SAMD12: variants seen among roughly 807,000 people sequenced by gnomAD.
SAMD12 encodes sterile alpha motif domain-containing protein 12.
A neutral mutation model predicts 15.0 loss-of-function variants in SAMD12; 9 were observed. That is an observed-to-expected ratio of 0.60 (90% confidence interval 0.36 to 1.05). The LOEUF (loss-of-function observed/expected upper bound fraction) is 1.05, where lower values mean the gene tolerates loss of function less well. SAMD12 is among the 50% of genes least tolerant of loss of function. SAMD12 has a pLI of 0.01. For synonymous variants in SAMD12, 86 were observed against 90.1 expected (o/e 0.96, Z 0.25); for missense variants, 230 against 234.2 (o/e 0.98, Z 0.12).
intron 3 of SAMD12, among the ~76,000 whole-genome samples, chr8:118,381,360 G>A (rs1336745990): frequency 6.6e-6 from 1 of 152,152 alleles, no homozygotes; most frequent in Non-Finnish European, 1.5e-5. Context: ...GACAAAATCA[G>A]ACTCGAGTAA....
chr8:118,430,347 A>C (rs1822362119), intron 3 of SAMD12, among the ~76,000 whole-genome samples: 1 of 149,618 alleles, frequency 6.7e-6, no homozygotes, highest in African/African-American at 2.4e-5. Context: ...TGGAGAATGT[A>C]ACCCTGTATC....
At chr8:118,558,202 G>A (rs1261309546) in intron 2 of SAMD12, among the ~76,000 whole-genome samples, 1 of 152,140 alleles carries the variant, frequency 6.6e-6, no homozygotes, top group African/African-American at 2.4e-5. Context: ...GTATGCACAA[G>A]AAGAATGTAT....
chr8:118,519,299 T>C (rs1825327528), intron 2 of SAMD12, among the ~76,000 whole-genome samples: 1 of 152,194 alleles, frequency 6.6e-6, no homozygotes, highest in African/African-American at 2.4e-5. Context: ...TGAGCTACCA[T>C]TTACTGAGCA....
chr8:118,613,067 A>G (rs1331643589), intron 1 of SAMD12, among the ~76,000 whole-genome samples: 1 of 152,234 alleles, frequency 6.6e-6, no homozygotes, highest in Non-Finnish European at 1.5e-5. Flanking sequence ...AGGACTGACC[A>G]CAAAGGGGCA....
intron 3 of SAMD12, among the ~76,000 whole-genome samples, chr8:118,412,167 C>T (rs1230293283): frequency 6.6e-6 from 1 of 152,182 alleles, no homozygotes; most frequent in African/African-American, 2.4e-5. Flanking sequence ...TAGCCTGGGC[C>T]TGGCGAGGTT....
intron 4 of SAMD12, among the ~76,000 whole-genome samples, chr8:118,313,473 C>T (rs921971050): frequency 6.6e-6 from 1 of 152,130 alleles, no homozygotes; most frequent in Non-Finnish European, 1.5e-5. Context: ...TCCTTTCCTG[C>T]AGGTACCTAC....
At chr8:118,506,549 A>C (rs538165816) in intron 2 of SAMD12, among the ~76,000 whole-genome samples, 1 of 152,154 alleles carries the variant, frequency 6.6e-6, no homozygotes, top group Non-Finnish European at 1.5e-5. Flanking sequence ...GAACTAGAAA[A>C]AGTTACACAA....
At chr8:118,437,975 C>T (rs1280030339) in intron 3 of SAMD12, among the ~76,000 whole-genome samples, 2 of 152,168 alleles carry the variant, frequency 1.3e-5, no homozygotes, top group Non-Finnish European at 2.9e-5. Flanking sequence ...CCATTACTAT[C>T]GCACAGGCAT....
chr8:118,615,745 C>T (rs993735017), intron 1 of SAMD12, among the ~76,000 whole-genome samples: 18 of 152,228 alleles, frequency 1.2e-4, no homozygotes, highest in African/African-American at 4.1e-4. Flanking sequence ...TCAGCACCAG[C>T]GCTTGTTTCT....
chr8:118,387,387 C>T (rs1297102127), intron 3 of SAMD12, among the ~76,000 whole-genome samples: 1 of 152,100 alleles, frequency 6.6e-6, no homozygotes, highest in African/African-American at 2.4e-5. Context: ...CAACTTGGAA[C>T]CACAATAACA....
chr8:118,229,177 G>A (rs1372447339), intron 4 of SAMD12, among the ~76,000 whole-genome samples: 2 of 151,942 alleles, frequency 1.3e-5, no homozygotes, highest in Admixed American at 1.3e-4. Context: ...TACAAATATG[G>A]TGCAGTGTAT....
chr8:118,577,252 G>A (rs998783813), intron 2 of SAMD12, among the ~76,000 whole-genome samples: 13 of 152,142 alleles, frequency 8.5e-5, no homozygotes, highest in Admixed American at 6.5e-5. Context: ...TCTGGAATAA[G>A]GGTTCTGAGT....
chr8:118,525,921 C>A (rs1460744984), intron 2 of SAMD12, among the ~76,000 whole-genome samples: 2 of 152,132 alleles, frequency 1.3e-5, no homozygotes, highest in African/African-American at 4.8e-5. Context: ...GTAATGTCAC[C>A]CAGCTTTGTT....
At chr8:118,410,157 T>C (rs867993070) in intron 3 of SAMD12, among the ~76,000 whole-genome samples, 1 of 152,208 alleles carries the variant, frequency 6.6e-6, no homozygotes, top group Admixed American at 6.5e-5. Context: ...TATCTAAGGC[T>C]ATTTACACAT....
At chr8:118,258,163 G>A (rs147456222) in intron 4 of SAMD12, among the ~76,000 whole-genome samples, 182 of 152,238 alleles carry the variant, frequency 1.2e-3, no homozygotes, top group African/African-American at 4.1e-3. Context: ...GCTAAGAGCC[G>A]GAATGTACTG....
intron 4 of SAMD12, among the ~76,000 whole-genome samples, chr8:118,240,363 A>C (rs999989355): frequency 3.3e-5 from 5 of 152,192 alleles, no homozygotes; most frequent in African/African-American, 1.2e-4. Flanking sequence ...AAGTGGCTAA[A>C]TTTTTGAATA....
At chr8:118,375,645 C>A (rs1210040849), downstream of SAMD12, 1 of 152,142 alleles carries the variant, frequency 6.6e-6, no homozygotes, top group African/African-American at 2.4e-5. Context: ...GTGTTAGGTA[C>A]AGGATTTAAA....
intron 3 of SAMD12, among the ~76,000 whole-genome samples, chr8:118,382,226 C>A (rs1422204794): frequency 4.6e-5 from 7 of 152,242 alleles, no homozygotes; most frequent in Admixed American, 3.9e-4. Context: ...CACCCTCCCT[C>A]CTTTCTGTTC....
At chr8:118,274,636 A>G (rs573155619) in intron 4 of SAMD12, among the ~76,000 whole-genome samples, 2 of 152,284 alleles carry the variant, frequency 1.3e-5, no homozygotes, top group South Asian at 2.1e-4. Context: ...TACAATTTAC[A>G]TACATATATC....
Sources: gnomAD v4.1 joint callset for allele counts (sites outside exome capture counted in the v4.1 genomes callset) on GRCh38, gnomAD v4.1.1 for gene constraint, MANE v1.5 for transcripts, NCBI Gene and HGNC (gene_info 2026-07-23, HGNC 2026-07-21) for gene names.